Variants in PGA5 observed in about 807,000 individuals in gnomAD.
PGA5 encodes pepsinogen A5, also known as pepsin A-5.
A neutral mutation model predicts 15.9 loss-of-function variants in PGA5; 19 were observed. That is an observed-to-expected ratio of 1.19 (90% CI 0.83 to 1.75). The LOEUF (loss-of-function observed/expected upper bound fraction) is 1.75. Among genes scored for constraint, PGA5 ranks in the 40% most tolerant of loss-of-function variants. PGA5 has a pLI of 0.00. For synonymous variants in PGA5, 92 were observed against 95.8 expected (o/e 0.96, Z 0.23); for missense variants, 224 against 246.4 (o/e 0.91, Z 0.61).
In PGA5 at chr11:61,251,363, G is replaced by A. The variant is rs1019255637; in HGVS notation, c.*82G>A. On this transcript the variant is annotated 3_prime_UTR_variant, in exon 9 of 9. Coordinates refer to ENST00000312403, the MANE Select transcript of PGA5 (RefSeq NM_014224.5). ...TTAGATGTATCTAATTCTCCTGACTGTTCTTCCCAGGGGAGTGTGAAGGTC... is the reference window on the plus strand; with the variant it reads ...TTAGATGTATCTAATTCTCCTGACTATTCTTCCCAGGGGAGTGTGAAGGTC... 4 of 1,603,984 alleles carry A rather than the reference G, an allele frequency of 2.5e-6. No individual in the cohort carries two copies. The South Asian group carries it at 3.3e-5, about 13-fold the overall frequency.
intron 8 of PGA5, 58 bp downstream of exon 8, chr11:61,250,072 C>T (rs1610856): frequency 0.026 from 39,716 of 1,522,828 alleles, 1,355 homozygotes; most frequent in African/African-American, 0.066. Flanking sequence ...GACACAGAGT[C>T]CCCTTCTGCA....
chr11:61,248,859 A>AG, intron 6 of PGA5, among the ~76,000 whole-genome samples: 1 of 152,126 alleles, frequency 6.6e-6, no homozygotes, highest in Admixed American at 6.5e-5. Flanking sequence ...TCACAATTTA[A>AG]GGGGGCTGTG....
At chr11:61,250,991 C>G in intron 8 of PGA5, 141 bp from the exon 9 acceptor site, 1 of 1,520,630 alleles carries the variant, frequency 6.6e-7, no homozygotes, top group Non-Finnish European at 9.0e-7. Flanking sequence ...CAAGAACAGC[C>G]GAATCCCTGG....
rs139365220 is a variant in PGA5, at chr11:61,250,955, A to G, written c.1018-177A>G. On this transcript the variant is annotated intron_variant, in intron 8 of 8. Coordinates refer to ENST00000312403, the MANE Select transcript of PGA5 (RefSeq NM_014224.5). The stretch of plus-strand genomic sequence containing the variant: ...TGCGTAGAAACCAGTCGTGCATTGG[A>G]TGGCTTCTACAGGCTGACTCCAGGC... 1.4e-4 allele frequency among the ~76,000 whole-genome samples: 21 copies of G among 151,304 alleles called. No individual in the cohort carries two copies. In the East Asian group the frequency reaches 4.1e-3, roughly 29 times the overall value.
In PGA5 at chr11:61,251,262, G is replaced by C. The variant is rs778166716; in HGVS notation, c.1148G>C (p.Gly383Ala). 3 of 1,611,814 alleles carry C rather than the reference G, an allele frequency of 1.9e-6. No individual in the cohort carries two copies. Among genetic ancestry groups the C allele is most frequent in the Non-Finnish European group, 2.5e-6 (3 of 1,179,862 alleles). Reference protein sequence around the residue: ...TVFDRANNQVGLAPVA With the variant: ...TVFDRANNQVALAPVA ...TTCGACAGGGCAAACAACCAGGTCG[G>C]CCTGGCCCCTGTGGCTTAAGCCTAA... The change falls in exon 9 of 9, where the codon GGC becomes GCC. Residue 383 changes from glycine (G) to alanine (A), a missense_variant. Physicochemically the swap from Gly to Ala is moderately conservative, Grantham distance 60 (BLOSUM62 0). Coordinates refer to ENST00000312403, the MANE Select transcript of PGA5 (RefSeq NM_014224.5).
At chr11:61,250,140 C>T (rs1854120641) in intron 8 of PGA5, 126 bp downstream of exon 8, 2 of 825,694 alleles carry the variant, frequency 2.4e-6, no homozygotes, top group Non-Finnish European at 4.0e-6. Flanking sequence ...CGAACATCTG[C>T]CCTAGACAGC....
intron 8 of PGA5, among the ~76,000 whole-genome samples, 179 bp from the exon 9 acceptor site, chr11:61,250,953 G>A (rs1386646945): frequency 6.6e-6 from 1 of 151,250 alleles, no homozygotes; most frequent in East Asian, 1.9e-4. Flanking sequence ...GTCGTGCATT[G>A]GATGGCTTCT....
chr11:61,247,499 C>A (rs1156306400), intron 5 of PGA5, among the ~76,000 whole-genome samples: 1 of 151,740 alleles, frequency 6.6e-6, no homozygotes, highest in Non-Finnish European at 1.5e-5. Flanking sequence ...GGATGGTCTC[C>A]ATCTCCTGAC....
chr11:61,249,463 C>T, intron 6 of PGA5: 1 of 1,022,126 alleles, frequency 9.8e-7, no homozygotes. Flanking sequence ...TGGCGTTTCC[C>T]ATGCCTGGCA....
intron 5 of PGA5, chr11:61,247,973 T>G (rs943031559): frequency 1.8e-6 from 1 of 571,144 alleles, no homozygotes; most frequent in Admixed American, 3.1e-5. Flanking sequence ...CAATCCAAAA[T>G]GTCTCCAGAC....
chr11:61,250,547 T>A (rs1854126107), intron 8 of PGA5, among the ~76,000 whole-genome samples: 1 of 151,806 alleles, frequency 6.6e-6, no homozygotes, highest in Non-Finnish European at 1.5e-5. Context: ...CTCTTTCCCT[T>A]CTGTTATTAT....
chr11:61,251,040 A>G, intron 8 of PGA5, 92 bp from the exon 9 acceptor site: 1 of 1,609,616 alleles, frequency 6.2e-7, no homozygotes, highest in South Asian at 1.1e-5. Flanking sequence ...CGTGCCTTAC[A>G]GCTGGACCAG....
intron 5 of PGA5, 132 bp downstream of exon 5, chr11:61,246,277 T>C (rs1854063752): frequency 4.2e-6 from 1 of 236,270 alleles, no homozygotes; most frequent in Non-Finnish European, 8.5e-6. Flanking sequence ...AAAGTCAATG[T>C]CTGAGGCTGG....
intron 6 of PGA5, among the ~76,000 whole-genome samples, chr11:61,248,926 G>C (rs1854102923): frequency 6.6e-6 from 1 of 152,136 alleles, no homozygotes; most frequent in Admixed American, 6.5e-5. Context: ...CTAGAAGTGG[G>C]GCAAAATGGC....
At chr11:61,246,781 A>G (rs1349101054) in intron 5 of PGA5, among the ~76,000 whole-genome samples, 31 of 151,536 alleles carry the variant, frequency 2.0e-4, no homozygotes, top group African/African-American at 6.1e-4. Context: ...AAATAAATAA[A>G]TAAATAAATA....
In PGA5 at chr11:61,249,984, C is replaced by G; in HGVS notation, c.987C>G (p.Tyr329Ter). 6.2e-7 allele frequency: 1 copy of G among 1,611,550 alleles called. No individual in the cohort carries two copies. ...DIVFTINGVQ[Y>*]PVPPSAYILQ... is the part of the protein sequence containing the mutation. ...TCTTCACCATCAATGGAGTCCAGTA[C>G]CCCGTGCCACCCAGTGCCTACATCC... The change falls in exon 8 of 9, where the codon TAC becomes TAG. Residue 329 changes from tyrosine to a stop codon, truncating the protein, a stop_gained. Coordinates refer to ENST00000312403, the MANE Select transcript of PGA5 (RefSeq NM_014224.5). LOFTEE classifies it low-confidence loss of function (END_TRUNC).
intron 8 of PGA5, 71 bp from the exon 9 acceptor site, chr11:61,251,061 A>C: frequency 6.2e-7 from 1 of 1,611,024 alleles, no homozygotes; most frequent in Non-Finnish European, 8.5e-7. Flanking sequence ...GGCTCCCTGG[A>C]TGTTTATCAC....
At chr11:61,249,057 G>T (rs1314244569) in intron 6 of PGA5, among the ~76,000 whole-genome samples, 1 of 152,044 alleles carries the variant, frequency 6.6e-6, no homozygotes, top group African/African-American at 2.4e-5. Flanking sequence ...TCAGTGGTGT[G>T]GGTTTTCCCA....
At position 61,249,732 on chromosome 11, in the gene PGA5, C is replaced by G; in HGVS notation, c.837C>G (p.Gly279=). ...AEGCQAIVDT[G]TSLLTGPTSP... ...GCTGCCAGGCCATTGTTGACACCGG[C>G]ACCTCTCTGCTGACCGGCCCAACCA... Residue 279 remains glycine (G), a synonymous_variant, in exon 7 of 9, where the codon GGC becomes GGG. Coordinates refer to ENST00000312403, the MANE Select transcript of PGA5 (RefSeq NM_014224.5). 6.2e-7 allele frequency: 1 copy of G among 1,613,602 alleles called. No individual in the cohort carries two copies. The highest frequency in any genetic ancestry group is 8.5e-7 in the Non-Finnish European group (1 of 1,179,868).
Sources: allele counts gnomAD v4.1 joint callset (sites outside exome capture counted in the v4.1 genomes callset), GRCh38; gene constraint gnomAD v4.1.1; transcripts MANE v1.5; gene names NCBI Gene and HGNC (gene_info 2026-07-23, HGNC 2026-07-21).